Variants in PREP observed in about 807,000 individuals in gnomAD.
PREP encodes prolyl endopeptidase, also known as dJ355L5.1 (prolyl endopeptidase).
PREP carries 29 observed loss-of-function variants against 87.6 expected under a neutral mutation model. The observed-to-expected ratio is 0.33, with a 90% CI of 0.25 to 0.45. PREP has a LOEUF of 0.45. Among genes scored for constraint, PREP ranks in the 20% least tolerant of loss-of-function variants. The pLI, the probability that PREP is intolerant of heterozygous loss-of-function variation, is 1.00. For synonymous variants in PREP, 337 were observed against 328.6 expected (o/e 1.03, Z -0.28); for missense variants, 695 against 886.5 (o/e 0.78, Z 2.74).
chr6:105,359,957 TTCTA>T (rs1772202963), intron 6 of PREP, among the ~76,000 whole-genome samples: 1 of 152,110 alleles, frequency 6.6e-6, no homozygotes. Flanking sequence ...GCACACAAAT[TTCTA>T]TCTCAGAGTC....
intron 1 of PREP, among the ~76,000 whole-genome samples, chr6:105,399,298 T>C (rs72939784): frequency 0.04 from 6,157 of 152,274 alleles, 184 homozygotes; most frequent in South Asian, 0.14. Flanking sequence ...GTAAGGGCTA[T>C]TTCCTAAAGA....
At chr6:105,383,140 A>G (rs1424804742) in intron 2 of PREP, among the ~76,000 whole-genome samples, 1 of 152,194 alleles carries the variant, frequency 6.6e-6, no homozygotes, top group Admixed American at 6.5e-5. Flanking sequence ...TCATGCACAA[A>G]AGAGAATTAG....
rs941190628 is a variant in PREP at position 105,277,320 on chromosome 6, T to C, written c.*824A>G. Among the ~76,000 whole-genome samples, 10 of 152,288 alleles carry C rather than the reference T, an allele frequency of 6.6e-5. No homozygotes were observed. The highest frequency in any genetic ancestry group is 2.2e-4 in the African/African-American group (9 of 41,560). On this transcript the variant is annotated 3_prime_UTR_variant, in exon 15 of 15. Coordinates refer to ENST00000652536, the MANE Select transcript of PREP (RefSeq NM_002726.5). ...TGGATAATTTACTCATGTGATCTCT[T>C]GGAACCAAGGATCCTTGGATCCAAG...
chr6:105,293,800 C>T (rs1770350872), intron 10 of PREP, among the ~76,000 whole-genome samples: 1 of 152,136 alleles, frequency 6.6e-6, no homozygotes, highest in South Asian at 2.1e-4. Flanking sequence ...AATAGAAGGG[C>T]AAATAACCTG....
intron 12 of PREP, among the ~76,000 whole-genome samples, chr6:105,282,939 A>G (rs1253439041): frequency 1.3e-5 from 2 of 152,242 alleles, no homozygotes; most frequent in South Asian, 2.1e-4. Flanking sequence ...GAACTTACAA[A>G]TATAAAGCAA....
chr6:105,296,736 G>T (rs926684646), intron 10 of PREP, among the ~76,000 whole-genome samples: 2 of 152,160 alleles, frequency 1.3e-5, no homozygotes, highest in East Asian at 3.9e-4. Flanking sequence ...GGCTTCCTGG[G>T]TGGAGTATTT....
Position 105,376,176 on chromosome 6 carries a change from C to T in PREP, c.334G>A (p.Val112Met), listed in dbSNP as rs746521808. Residue 112 changes from valine (V) to methionine (M), a missense_variant, in exon 4 of 15, where the codon GTG (valine) becomes ATG (methionine). Transcript: ENST00000652536. ...VQDSLEGEARVFLDPNILSDD... is the reference protein window; with the variant it reads ...VQDSLEGEARMFLDPNILSDD... ...GACAGTATGTTGGGGTCCAGGAACA[C>T]TCTGGCCTCACCCTCTAAGGAATCC... 7.7e-5 allele frequency: 124 copies of T among 1,613,968 alleles called. No individual in the cohort carries two copies. In the East Asian group the frequency reaches 2.7e-3, roughly 36 times the overall value.
In PREP at chr6:105,282,458, G is replaced by A. The variant is rs778433534; in HGVS notation, c.1674C>T (p.Leu558=). The A allele has an allele frequency of 6.2e-7, 1 of 1,613,596 alleles. No individual in the cohort carries two copies. ...ATAAAATCCAGTACTCACCCACTAA[G>A]AGGCCTCCATTTGAACCTCCATTAA... ...LTINGGSNGG[L]LVAACANQRP... is the part of the protein sequence containing the mutation. The change falls in exon 13 of 15, where the codon CTC becomes CTT. Residue 558 remains leucine (L), a synonymous_variant. Coordinates refer to ENST00000652536, the MANE Select transcript of PREP (RefSeq NM_002726.5).
At chr6:105,289,164 T>A (rs1288737094) in intron 10 of PREP, among the ~76,000 whole-genome samples, 3 of 152,170 alleles carry the variant, frequency 2.0e-5, no homozygotes, top group Admixed American at 2.0e-4. Context: ...ACACATCGTT[T>A]ATCCTCTCCC....
intron 10 of PREP, chr6:105,298,492 A>C (rs1770463275): frequency 6.5e-6 from 1 of 153,264 alleles, no homozygotes; most frequent in Admixed American, 6.5e-5. Flanking sequence ...CCCACTGGAG[A>C]CCACCTGTCC....
intron 6 of PREP, among the ~76,000 whole-genome samples, chr6:105,358,196 A>T (rs1051157242): frequency 6.6e-6 from 1 of 152,170 alleles, no homozygotes; most frequent in East Asian, 1.9e-4. Flanking sequence ...AAACATTAAC[A>T]AAAACAAAAT....
chr6:105,297,922 G>A (rs72944178), intron 10 of PREP, among the ~76,000 whole-genome samples: 2,042 of 152,250 alleles, frequency 0.013, 21 homozygotes, highest in South Asian at 0.033. Context: ...TCTCATAAGC[G>A]GGACTATCTT....
At chr6:105,387,149 C>T (rs565949907) in intron 2 of PREP, among the ~76,000 whole-genome samples, 8 of 151,726 alleles carry the variant, frequency 5.3e-5, no homozygotes, top group African/African-American at 9.7e-5. Context: ...TTGAACTTGC[C>T]GGGTGGAGGT....
chr6:105,364,619 C>G (rs1385905537), intron 6 of PREP, among the ~76,000 whole-genome samples: 1 of 152,180 alleles, frequency 6.6e-6, no homozygotes, highest in Non-Finnish European at 1.5e-5. Flanking sequence ...TCCTGCTTCT[C>G]TCACACCCAG....
intron 7 of PREP, among the ~76,000 whole-genome samples, chr6:105,348,487 C>A (rs1771857439): frequency 1.3e-5 from 2 of 152,120 alleles, no homozygotes. Context: ...TCATGCAGCT[C>A]ACGGATCCTC....
rs533536301 is a variant in PREP, at chr6:105,398,652, G to C, written c.46-725C>G. Among the ~76,000 whole-genome samples, 9 of 152,294 alleles carry C rather than the reference G, an allele frequency of 5.9e-5. No individual in the cohort carries two copies. The South Asian group carries it at 1.9e-3, about 32-fold the overall frequency. ...TAGTGTAAGTAGAACCTGGCTGAAG[G>C]AAGCTTTCTGGAGCTTCTAAGGCCT... is the stretch of plus-strand genomic sequence containing the variant. On this transcript the variant is annotated intron_variant, in intron 1 of 14. Transcript: ENST00000652536.
intron 14 of PREP, 42 bp downstream of exon 14, chr6:105,281,704 T>C: frequency 3.8e-6 from 6 of 1,593,640 alleles, no homozygotes; most frequent in Non-Finnish European, 5.1e-6. Flanking sequence ...TTCAACTTTA[T>C]ATCAAACCAC....
chr6:105,361,584 A>G (rs1045647020), intron 6 of PREP, among the ~76,000 whole-genome samples: 5 of 152,202 alleles, frequency 3.3e-5, no homozygotes, highest in Non-Finnish European at 7.4e-5. Flanking sequence ...AGCATTCTAA[A>G]AAGCAGTGAC....
chr6:105,366,661 CA>C (rs1436208269), intron 6 of PREP, among the ~76,000 whole-genome samples: 1 of 152,190 alleles, frequency 6.6e-6, no homozygotes, highest in Non-Finnish European at 1.5e-5. Flanking sequence ...CAGCATTACT[CA>C]TAACAATGCT....
Sources: gnomAD v4.1 joint callset for allele counts (sites outside exome capture counted in the v4.1 genomes callset) on GRCh38, gnomAD v4.1.1 for gene constraint, MANE v1.5 for transcripts, NCBI Gene and HGNC (gene_info 2026-07-23, HGNC 2026-07-21) for gene names.